The following PDPR variants were observed in gnomAD, a reference collection of about 807,000 sequenced individuals.
PDPR encodes pyruvate dehydrogenase phosphatase regulatory subunit, also known as pyruvate dehydrogenase phosphatase regulatory subunit, mitochondrial.
Under a neutral mutation model 102.2 loss-of-function variants are expected in PDPR, and 50 were observed. The observed-to-expected ratio is 0.49, with a 90% CI of 0.39 to 0.62. The LOEUF (loss-of-function observed/expected upper bound fraction) is 0.62, where lower values mean the gene tolerates loss of function less well. Ranked by LOEUF, PDPR falls within the 20% of genes least tolerant of loss-of-function variation. PDPR has a pLI of 0.00. For synonymous variants in PDPR, 259 were observed against 406.0 expected (o/e 0.64, Z 4.35); for missense variants, 625 against 1,098.2 (o/e 0.57, Z 6.09).
intron 10 of PDPR, among the ~76,000 whole-genome samples, chr16:70,138,407 G>A (rs1965382584): frequency 2.0e-5 from 3 of 152,304 alleles, no homozygotes; most frequent in South Asian, 4.1e-4. Flanking sequence ...AATAGAGACA[G>A]GGTTTCTCCA....
Position 70,157,255 on chromosome 16 carries a change from G to T in PDPR, c.*376G>T, listed in dbSNP as rs1041169105. 5.9e-6 allele frequency: 3 copies of T among 509,346 alleles called. No homozygotes were observed. Among genetic ancestry groups the T allele is most frequent in the Admixed American group, 4.6e-5 (2 of 43,124 alleles). The allele number at this position is 509,346 out of a possible 1,614,324, so 31.6% of individuals were successfully genotyped here. ...AAGCCGGGGTGGTGCAGGTCTCAGG[G>T]CACGAGTCCCTCTCCCTTGGGTTCC... On this transcript the variant is annotated 3_prime_UTR_variant, in exon 19 of 19. Coordinates refer to ENST00000288050, the MANE Select transcript of PDPR (RefSeq NM_017990.5).
At position 70,156,644 on chromosome 16, in the gene PDPR, G is replaced by A. The variant is rs1597388704; in HGVS notation, c.2405G>A (p.Ser802Asn). Residue 802 changes from serine (S) to asparagine (N), a missense_variant, in exon 19 of 19, where the codon AGT (serine) becomes AAT (asparagine). Ser to Asn is a conservative substitution (Grantham distance 46, BLOSUM62 1). Coordinates refer to ENST00000288050, the MANE Select transcript of PDPR (RefSeq NM_017990.5). ...CAGTATGTTGGCAAGACCACCAGCAGTGCCTACAGCTACAGCCTGGAGCGC... is the reference window on the plus strand; with the variant it reads ...CAGTATGTTGGCAAGACCACCAGCAATGCCTACAGCTACAGCCTGGAGCGC... ...NGQYVGKTTS[S>N]AYSYSLERHV... The A allele has an allele frequency of 5.0e-6, 8 of 1,614,096 alleles. No homozygotes were observed. The East Asian group carries it at 1.8e-4, about 36-fold the overall frequency.
rs1239215248 is a variant in PDPR at position 70,122,197 on chromosome 16, G to A, written c.227+1478G>A. ...AGACAGGATTTCACCGTGTTAGCCA[G>A]GCTGGTCTTGGACTCCTGACCTCCA... On this transcript the variant is annotated intron_variant, in intron 3 of 18. Coordinates refer to ENST00000288050, the MANE Select transcript of PDPR (RefSeq NM_017990.5). Among the ~76,000 whole-genome samples, 5 of 152,258 alleles carry A rather than the reference G, an allele frequency of 3.3e-5. No individual in the cohort carries two copies. The South Asian group carries it at 1.0e-3, about 31-fold the overall frequency.
chr16:70,138,067 G>GT (rs1178038328), intron 10 of PDPR, among the ~76,000 whole-genome samples: 1 of 124,010 alleles, frequency 8.1e-6, no homozygotes, highest in African/African-American at 3.4e-5. Flanking sequence ...TTGAAACGAA[G>GT]TTTTGCTCTT....
chr16:70,151,591 G>A (rs1966745028), intron 17 of PDPR, among the ~76,000 whole-genome samples: 1 of 152,294 alleles, frequency 6.6e-6, no homozygotes, highest in South Asian at 2.1e-4. Context: ...AGTGGTTCAG[G>A]TGTTGTCACC....
At chr16:70,116,740 C>G (rs1315325526) in intron 2 of PDPR, among the ~76,000 whole-genome samples, 4 of 152,100 alleles carry the variant, frequency 2.6e-5, no homozygotes, top group Non-Finnish European at 5.9e-5. Context: ...CGGGGTTTCA[C>G]CATGTTTGCC....
At chr16:70,154,612 A>G (rs1159695036) in intron 18 of PDPR, among the ~76,000 whole-genome samples, 1 of 152,258 alleles carries the variant, frequency 6.6e-6, no homozygotes, top group Non-Finnish European at 1.5e-5. Context: ...TAGTCGTCCT[A>G]TAGTCAGCTG....
At chr16:70,141,816 T>C (rs1468933842) in intron 11 of PDPR, among the ~76,000 whole-genome samples, 1 of 152,248 alleles carries the variant, frequency 6.6e-6, no homozygotes, top group Admixed American at 6.5e-5. Flanking sequence ...GCCTGGAAAT[T>C]GGGCCGGGCA....
chr16:70,142,573 A>G lies in PDPR; in HGVS notation c.1492A>G (p.Ser498Gly). The G allele has an allele frequency of 6.2e-7, 1 of 1,614,048 alleles. No homozygotes were observed. The highest frequency in any genetic ancestry group is 2.2e-5 in the East Asian group (1 of 44,884). ...PDKDLLALEQ[S>G]KTFYKPDWFD... is the part of the protein sequence containing the mutation. The stretch of plus-strand genomic sequence containing the variant: ...CGTAGACCTCCTGGCATTGGAGCAG[A>G]GCAAGACTTTCTATAAGCCAGATTG... Residue 498 changes from serine (S) to glycine (G), a missense_variant, in exon 13 of 19, where the codon AGC becomes GGC. Transcript: ENST00000288050.
At chr16:70,154,486 CAAAA>C (rs554295050) in intron 18 of PDPR, among the ~76,000 whole-genome samples, 164 of 152,326 alleles carry the variant, frequency 1.1e-3, no homozygotes, top group African/African-American at 3.7e-3. Context: ...GAAAAACAAA[CAAAA>C]AAACCCACTT....
chr16:70,130,490 G>T lies in PDPR; in HGVS notation c.675G>T (p.Val225=). The part of the protein sequence containing the change: ...VMVKKGQVTG[V]ETDKGQIECQ... ...TCAAAAAAGGTCAAGTTACTGGAGT[G>T]GAGACCGATAAAGGACAGATTGAAT... is the stretch of plus-strand genomic sequence containing the variant. Residue 225 remains valine (V), a synonymous_variant, in exon 7 of 19, where the codon GTG becomes GTT. Transcript: ENST00000288050. The T allele has an allele frequency of 6.2e-7, 1 of 1,613,934 alleles. No homozygotes were observed. The highest frequency in any genetic ancestry group is 8.5e-7 in the Non-Finnish European group (1 of 1,179,796).
intron 17 of PDPR, among the ~76,000 whole-genome samples, chr16:70,151,804 C>G (rs1966760425): frequency 6.6e-6 from 1 of 152,252 alleles, no homozygotes; most frequent in Non-Finnish European, 1.5e-5. Context: ...TTATGTTTGT[C>G]TCTCTGAGAA....
intron 3 of PDPR, among the ~76,000 whole-genome samples, chr16:70,125,857 C>T (rs7201077): frequency 0.015 from 2,347 of 151,738 alleles, 23 homozygotes; most frequent in African/African-American, 0.055. Context: ...TGGTCTCGAA[C>T]GCCTGACCTC....
chr16:70,133,963 C>G (rs1264064398), intron 9 of PDPR, among the ~76,000 whole-genome samples: 1 of 152,186 alleles, frequency 6.6e-6, no homozygotes, highest in Non-Finnish European at 1.5e-5. Context: ...GAACTCCTGA[C>G]CTCAGGAGAT....
Position 70,153,379 on chromosome 16 carries a change from C to T in PDPR, c.2053-12C>T. ...GGTCTGCTGCTTATGAACTTTCTGT[C>T]TCTTCCTATAGTACGCCCTGCATGT... On this transcript the variant is annotated splice_polypyrimidine_tract_variant and intron_variant, in intron 17 of 18. Coordinates refer to ENST00000288050, the MANE Select transcript of PDPR (RefSeq NM_017990.5). The T allele has an allele frequency of 6.2e-7, 1 of 1,607,298 alleles. No homozygotes were observed. The highest frequency in any genetic ancestry group is 8.5e-7 in the Non-Finnish European group (1 of 1,177,028).
intron 16 of PDPR, chr16:70,147,426 A>C (rs1412219310): frequency 1.1e-5 from 4 of 373,490 alleles, no homozygotes; most frequent in East Asian, 1.5e-4. Context: ...CCTTCTCTCC[A>C]TGCAGTGTGG....
intron 3 of PDPR, among the ~76,000 whole-genome samples, chr16:70,120,924 C>T (rs1489770114): frequency 3.6e-5 from 5 of 137,690 alleles, no homozygotes; most frequent in East Asian, 2.2e-4. Context: ...TGGCAAATTT[C>T]GTTTTCCTTT....
In PDPR at chr16:70,159,369, A is replaced by T. The variant is rs185039163; in HGVS notation, c.*2490A>T. On this transcript the variant is annotated 3_prime_UTR_variant, in exon 19 of 19. Transcript: ENST00000288050. ...AGGAGAGGAGGATGGGGGGCTGAGC[A>T]CTCAGGCTGTCCATTGAAACCCCTT... 14 of 152,678 alleles carry T rather than the reference A, an allele frequency of 9.2e-5. No individual in the cohort carries two copies. Among genetic ancestry groups the T allele is most frequent in the Admixed American group, 9.1e-4 (14 of 15,306 alleles). The allele number at this position is 152,678 out of a possible 1,614,324, so 9.5% of individuals were successfully genotyped here. A position where few individuals can be genotyped will look rare whatever the true frequency, so the allele number is the denominator to read the frequency against.
In PDPR at chr16:70,157,337, C is replaced by T. The variant is rs1967333125; in HGVS notation, c.*458C>T. ...GGGTTGCCGTGTGTCGGATGCAGCC[C>T]TGAGGGGCAGCTCGTGCCTGCAGCC... is the stretch of plus-strand genomic sequence containing the variant. On this transcript the variant is annotated 3_prime_UTR_variant, in exon 19 of 19. Coordinates refer to ENST00000288050, the MANE Select transcript of PDPR (RefSeq NM_017990.5). The T allele has an allele frequency of 5.2e-6, 2 of 385,150 alleles. No individual in the cohort carries two copies. The highest frequency in any genetic ancestry group is 3.9e-5 in the South Asian group (2 of 51,330). The allele number at this position is 385,150 out of a possible 1,614,324, so 23.9% of individuals were successfully genotyped here. A position where few individuals can be genotyped will look rare whatever the true frequency, so the allele number is the denominator to read the frequency against.
Sources: allele counts gnomAD v4.1 joint callset (sites outside exome capture counted in the v4.1 genomes callset), GRCh38; gene constraint gnomAD v4.1.1; transcripts MANE v1.5; gene names NCBI Gene and HGNC (gene_info 2026-07-23, HGNC 2026-07-21).